Variants in NEXMIF observed in about 807,000 individuals in gnomAD.
The protein encoded by NEXMIF is XLMR protein related to neurite extension.
NEXMIF carries 8 observed loss-of-function variants against 62.1 expected under a neutral mutation model. The observed-to-expected ratio is 0.13, with a 90% CI of 0.08 to 0.23. The LOEUF is 0.23. Ranked by LOEUF, NEXMIF falls within the 10% of genes least tolerant of loss-of-function variation. The pLI, the probability that NEXMIF is intolerant of heterozygous loss-of-function variation, is 1.00. For synonymous variants in NEXMIF, 404 were observed against 416.6 expected (o/e 0.97, Z 0.37); for missense variants, 976 against 1,113.3 (o/e 0.88, Z 1.75).
intron 1 of NEXMIF, among the ~76,000 whole-genome samples, chrX:74,924,037 C>T (rs1239573401): frequency 1.8e-5 from 2 of 111,948 alleles, no homozygotes; most frequent in African/African-American, 6.5e-5. Flanking sequence ...TTCGGTCCCT[C>T]ACGAATCAGA....
chrX:74,867,820 A>C (rs1436390746), intron 1 of NEXMIF, among the ~76,000 whole-genome samples: 1 of 112,414 alleles, frequency 8.9e-6, no homozygotes, highest in Admixed American at 9.4e-5. Context: ...TGCACAGCAA[A>C]ATAAACTATC....
intron 1 of NEXMIF, among the ~76,000 whole-genome samples, chrX:74,863,117 A>G (rs894576181): frequency 3.7e-5 from 4 of 109,219 alleles, no homozygotes; most frequent in African/African-American, 1.3e-4. Flanking sequence ...GGTTGCAGTG[A>G]GCTGAGTCCA....
intron 1 of NEXMIF, among the ~76,000 whole-genome samples, chrX:74,900,994 T>C (rs957065392): frequency 8.1e-5 from 9 of 111,245 alleles, no homozygotes; most frequent in Non-Finnish European, 1.7e-4. Context: ...TGCCAGGGGC[T>C]GGGGAGAAGG....
In NEXMIF at chrX:74,917,010, C is replaced by G. The variant is rs147984632; in HGVS notation, c.-48+7873G>C. Among the ~76,000 whole-genome samples, 507 of 111,954 alleles carry G rather than the reference C, an allele frequency of 4.5e-3. 1 individual carries two copies. The highest frequency in any genetic ancestry group is 0.016 in the African/African-American group (488 of 30,770). On this transcript the variant is annotated intron_variant, in intron 1 of 3. Coordinates refer to ENST00000055682, the MANE Select transcript of NEXMIF (RefSeq NM_001008537.3). ...CCCTCCAGTCTTAGGGTTCTATTAA[C>G]CCACATGCTCTACAGTATTCTAAAC...
rs557908143 is a variant in NEXMIF at position 74,870,475 on chromosome X, C to T, written c.-48+54408G>A. 6.3e-5 allele frequency among the ~76,000 whole-genome samples: 7 copies of T among 111,524 alleles called. No individual in the cohort carries two copies. In the East Asian group the frequency reaches 1.4e-3, roughly 23 times the overall value. On this transcript the variant is annotated intron_variant, in intron 1 of 3. Transcript: ENST00000055682. ...AAGCAAAAATGGACAAATGGGGTCA[C>T]ATCAAGCTGAAAAGCTTCTGCACAG...
intron 1 of NEXMIF, among the ~76,000 whole-genome samples, chrX:74,762,912 A>G (rs1443844468): frequency 1.8e-5 from 2 of 111,224 alleles, no homozygotes; most frequent in African/African-American, 3.3e-5. Flanking sequence ...CCCATTCTGT[A>G]GGTTGCCTGT....
At chrX:74,762,708 T>C (rs1316182839) in intron 1 of NEXMIF, among the ~76,000 whole-genome samples, 1 of 112,359 alleles carries the variant, frequency 8.9e-6, no homozygotes, top group African/African-American at 3.2e-5. Flanking sequence ...ATTTCTCTGC[T>C]GGCCAGTGAT....
intron 1 of NEXMIF, among the ~76,000 whole-genome samples, chrX:74,913,329 A>T (rs902717996): frequency 1.8e-5 from 2 of 112,149 alleles, no homozygotes; most frequent in Admixed American, 1.9e-4. Context: ...TTAACTTGAA[A>T]ATATAATGAT....
chrX:74,812,186 C>T (rs936027758), intron 1 of NEXMIF, among the ~76,000 whole-genome samples: 1 of 112,189 alleles, frequency 8.9e-6, no homozygotes, highest in African/African-American at 3.2e-5. Flanking sequence ...TAGTAACTAA[C>T]ACATCTTAGA....
chrX:74,789,546 C>T (rs2080272000), intron 1 of NEXMIF, among the ~76,000 whole-genome samples: 1 of 111,192 alleles, frequency 9.0e-6, no homozygotes, highest in African/African-American at 3.3e-5. Flanking sequence ...TGAGGAATTG[C>T]CACACTGACT....
intron 1 of NEXMIF, among the ~76,000 whole-genome samples, chrX:74,895,660 C>T (rs1013254327): frequency 2.7e-5 from 3 of 110,759 alleles, no homozygotes; most frequent in African/African-American, 9.9e-5. Flanking sequence ...TTCCACACAC[C>T]TACAGTGAAC....
At chrX:74,906,398 T>C (rs1299735150) in intron 1 of NEXMIF, among the ~76,000 whole-genome samples, 1 of 111,272 alleles carries the variant, frequency 9.0e-6, no homozygotes, top group Non-Finnish European at 1.9e-5. Context: ...CAAAATCCTG[T>C]TCTAGACCAT....
intron 1 of NEXMIF, among the ~76,000 whole-genome samples, chrX:74,856,435 A>G (rs2080535217): frequency 8.9e-6 from 1 of 111,980 alleles, no homozygotes; most frequent in Non-Finnish European, 1.9e-5. Flanking sequence ...TGTGGGAACC[A>G]TCTAGTGCCC....
intron 1 of NEXMIF, among the ~76,000 whole-genome samples, chrX:74,894,137 CA>C (rs66473731): frequency 0.15 from 14,769 of 100,041 alleles, 1,749 homozygotes; most frequent in East Asian, 0.9. Context: ...ACTAAAAGTA[CA>C]AAAAAAAAAA....
intron 1 of NEXMIF, among the ~76,000 whole-genome samples, chrX:74,850,456 C>T (rs144392244): frequency 1.3e-3 from 146 of 112,010 alleles, no homozygotes; most frequent in African/African-American, 4.6e-3. Context: ...GCCTATGTTG[C>T]CCTGAGGCCC....
intron 1 of NEXMIF, among the ~76,000 whole-genome samples, chrX:74,922,862 T>C (rs777216445): frequency 4.5e-5 from 5 of 111,902 alleles, no homozygotes; most frequent in Non-Finnish European, 9.4e-5. Context: ...AGCATGTGTT[T>C]TTGTATGAGT....
intron 1 of NEXMIF, among the ~76,000 whole-genome samples, chrX:74,888,306 C>G (rs1313094780): frequency 3.0e-5 from 3 of 101,664 alleles, no homozygotes; most frequent in African/African-American, 1.1e-4. Flanking sequence ...AATAAACAAA[C>G]AAACAAAAAA....
Position 74,863,007 on chromosome X carries a change from C to T in NEXMIF, c.-48+61876G>A, listed in dbSNP as rs183084157. 3.8e-3 allele frequency among the ~76,000 whole-genome samples: 417 copies of T among 109,581 alleles called. 3 individuals are homozygous for T. Among genetic ancestry groups the T allele is most frequent in the Non-Finnish European group, 4.0e-3 (211 of 52,577 alleles). On this transcript the variant is annotated intron_variant, in intron 1 of 3. Coordinates refer to ENST00000055682, the MANE Select transcript of NEXMIF (RefSeq NM_001008537.3). The stretch of plus-strand genomic sequence containing the variant: ...CTAACATGGTGAAACTCGGTCCCTA[C>T]AAAAAAATACAAAACTTAGCCGGGT...
intron 1 of NEXMIF, among the ~76,000 whole-genome samples, chrX:74,920,022 T>G (rs757331632): frequency 8.9e-6 from 1 of 112,038 alleles, no homozygotes. Flanking sequence ...ATCCAGTCTA[T>G]CATTGTTGGA....
Sources: gnomAD v4.1 joint callset for allele counts (sites outside exome capture counted in the v4.1 genomes callset) on GRCh38, gnomAD v4.1.1 for gene constraint, MANE v1.5 for transcripts, NCBI Gene and HGNC (gene_info 2026-07-23, HGNC 2026-07-21) for gene names.